Variants in KSR2 observed in about 807,000 individuals in gnomAD.
The protein encoded by KSR2 is kinase suppressor of ras 2.
In KSR2, 25 loss-of-function variants were observed where a neutral mutation model predicts 107.8. The ratio of observed to expected loss-of-function variants is 0.23; its 90% CI spans 0.17 to 0.32. The LOEUF is 0.32. KSR2 is among the 10% of genes least tolerant of loss of function. The pLI, the probability that KSR2 is intolerant of heterozygous loss-of-function variation, is 1.00. For synonymous variants in KSR2, 480 were observed against 507.0 expected (o/e 0.95, Z 0.71); for missense variants, 887 against 1,268.9 (o/e 0.70, Z 4.57).
At chr12:117,911,845 T>G (rs930399683) in intron 1 of KSR2, among the ~76,000 whole-genome samples, 3 of 152,200 alleles carry the variant, frequency 2.0e-5, no homozygotes, top group Admixed American at 6.5e-5. Flanking sequence ...TTTTAAACAC[T>G]CCAACATATT....
rs78157383 is a variant in KSR2 at position 117,623,070 on chromosome 12, C to T, written c.1172-40711G>A. ...TGGTATGAGGCTCAGAGGAAGCTACCCCACCTCTTTGAGCCTCATTTTCCT... is the reference window on the plus strand; with the variant it reads ...TGGTATGAGGCTCAGAGGAAGCTACTCCACCTCTTTGAGCCTCATTTTCCT... On this transcript the variant is annotated intron_variant, in intron 5 of 19. Coordinates refer to ENST00000339824, the MANE Select transcript of KSR2 (RefSeq NM_173598.6). Among the ~76,000 whole-genome samples, 1,382 of 152,238 alleles carry T rather than the reference C, an allele frequency of 9.1e-3. 27 individuals are homozygous for T. Among genetic ancestry groups the T allele is most frequent in the African/African-American group, 0.032 (1,340 of 41,538 alleles).
chr12:117,695,893 A>G lies in KSR2; in HGVS notation c.987-28235T>C, dbSNP rs73396630. On this transcript the variant is annotated intron_variant, in intron 4 of 19. Transcript: ENST00000339824. ...CAGGAAGGCCAAAGAGAGGGTCACC[A>G]AGACCCACAGCAGGGACAGGACTGC... Among the ~76,000 whole-genome samples the G allele has an allele frequency of 8.7e-3, 1,321 of 152,326 alleles. 15 individuals are homozygous for G. The highest frequency in any genetic ancestry group is 0.03 in the African/African-American group (1,245 of 41,572).
intron 19 of KSR2, chr12:117,467,902 C>T (rs1210289888): frequency 1.1e-5 from 3 of 268,980 alleles, no homozygotes; most frequent in Non-Finnish European, 2.0e-5. Flanking sequence ...TCCTATTCTG[C>T]TAGACCACAG....
intron 3 of KSR2, among the ~76,000 whole-genome samples, chr12:117,804,206 G>C (rs1890934776): frequency 6.6e-6 from 1 of 152,154 alleles, no homozygotes. Flanking sequence ...ACCACGCCCG[G>C]CTAATTTTGT....
chr12:117,819,342 G>A (rs1027840929), intron 3 of KSR2, among the ~76,000 whole-genome samples: 1 of 152,150 alleles, frequency 6.6e-6, no homozygotes, highest in Non-Finnish European at 1.5e-5. Flanking sequence ...CATCTACTAC[G>A]GCATCTTCTA....
At chr12:117,702,809 C>T (rs996108774) in intron 4 of KSR2, among the ~76,000 whole-genome samples, 2 of 152,180 alleles carry the variant, frequency 1.3e-5, no homozygotes, top group Non-Finnish European at 2.9e-5. Context: ...GCCAGTGCAC[C>T]GTGGCCCTTT....
intron 1 of KSR2, among the ~76,000 whole-genome samples, chr12:117,943,799 A>G (rs1896088022): frequency 6.6e-6 from 1 of 152,132 alleles, no homozygotes; most frequent in Admixed American, 6.6e-5. Flanking sequence ...TATGGGAGGG[A>G]CCCAGTGGGA....
At chr12:117,639,001 C>A (rs540216676) in intron 5 of KSR2, among the ~76,000 whole-genome samples, 2 of 152,318 alleles carry the variant, frequency 1.3e-5, no homozygotes, top group South Asian at 4.1e-4. Context: ...CCTGCACCTA[C>A]CTGACACTGC....
chr12:117,605,376 T>C (rs1457029592), intron 5 of KSR2, among the ~76,000 whole-genome samples: 1 of 150,820 alleles, frequency 6.6e-6, no homozygotes, highest in Admixed American at 6.7e-5. Context: ...TTAATTTTGT[T>C]CATTACATAA....
At chr12:117,716,612 T>G (rs1031730154) in intron 4 of KSR2, among the ~76,000 whole-genome samples, 1 of 152,238 alleles carries the variant, frequency 6.6e-6, no homozygotes, top group South Asian at 2.1e-4. Context: ...TCAGAAACTT[T>G]TAAATTACAT....
At chr12:117,765,596 A>G (rs1388381429) in intron 3 of KSR2, among the ~76,000 whole-genome samples, 1 of 152,202 alleles carries the variant, frequency 6.6e-6, no homozygotes, top group East Asian at 1.9e-4. Flanking sequence ...AAGAAATAAA[A>G]CACACACACT....
intron 4 of KSR2, among the ~76,000 whole-genome samples, chr12:117,711,608 T>C (rs918621977): frequency 5.9e-5 from 9 of 152,170 alleles, no homozygotes; most frequent in African/African-American, 2.2e-4. Context: ...TGTGTATTGC[T>C]ATCCTTCCTA....
intron 7 of KSR2, among the ~76,000 whole-genome samples, chr12:117,562,586 C>T (rs141368531): frequency 8.1e-4 from 123 of 152,266 alleles, no homozygotes; most frequent in African/African-American, 2.8e-3. Flanking sequence ...TCGTGGGCAG[C>T]ACTTTGAATC....
chr12:117,768,516 C>T (rs1035464689), intron 3 of KSR2, among the ~76,000 whole-genome samples: 9 of 152,166 alleles, frequency 5.9e-5, no homozygotes, highest in Non-Finnish European at 1.0e-4. Flanking sequence ...TCCGTCCTTG[C>T]GGCTCAACAG....
chr12:117,514,544 C>CTTT (rs55927845), intron 14 of KSR2, among the ~76,000 whole-genome samples: 121 of 130,066 alleles, frequency 9.3e-4, no homozygotes, highest in East Asian at 6.2e-3. Context: ...CTCTCTCTCT[C>CTTT]TTTTTTTTTT....
At chr12:117,937,011 G>A (rs1036746639) in intron 1 of KSR2, among the ~76,000 whole-genome samples, 4 of 152,168 alleles carry the variant, frequency 2.6e-5, no homozygotes, top group African/African-American at 9.7e-5. Flanking sequence ...TGGTATCTGG[G>A]CTCAGCCCAC....
At chr12:117,604,197 A>G (rs1881104612) in intron 5 of KSR2, among the ~76,000 whole-genome samples, 1 of 152,112 alleles carries the variant, frequency 6.6e-6, no homozygotes, top group South Asian at 2.1e-4. Context: ...AGCTTATTGA[A>G]TAGGTATATT....
chr12:117,864,999 T>C (rs1678066015), intron 1 of KSR2, among the ~76,000 whole-genome samples: 2 of 152,046 alleles, frequency 1.3e-5, no homozygotes, highest in African/African-American at 4.8e-5. Flanking sequence ...TGACCATCTG[T>C]CTGCAAAGAC....
At chr12:117,787,184 T>C (rs1235635259) in intron 3 of KSR2, among the ~76,000 whole-genome samples, 1 of 152,188 alleles carries the variant, frequency 6.6e-6, no homozygotes, top group Admixed American at 6.5e-5. Flanking sequence ...GTTTATATGA[T>C]CATTGCTCTT....
Sources: allele counts gnomAD v4.1 joint callset (sites outside exome capture counted in the v4.1 genomes callset), GRCh38; gene constraint gnomAD v4.1.1; transcripts MANE v1.5; gene names NCBI Gene and HGNC (gene_info 2026-07-23, HGNC 2026-07-21).